The following LEF1 variants were observed in gnomAD, a reference collection of about 807,000 sequenced individuals.
The protein encoded by LEF1 is lymphoid enhancer binding factor 1, also known as lymphoid enhancer-binding factor 1.
A neutral mutation model predicts 51.2 loss-of-function variants in LEF1; 14 were observed. That is an observed-to-expected ratio of 0.27 (90% confidence interval 0.18 to 0.43). The LOEUF is 0.43. Ranked by LOEUF, LEF1 falls within the 20% of genes least tolerant of loss-of-function variation. The probability of loss-of-function intolerance (pLI) is 1.00; values close to 1 mark genes in which losing one functional copy is unlikely to be tolerated. For synonymous variants in LEF1, 185 were observed against 183.2 expected, an observed-to-expected ratio of 1.01 and a Z score of -0.08; for missense variants, 386 against 512.0, an observed-to-expected ratio of 0.75 and a Z score of 2.37.
chr4:108,064,204 G>T, intron 10 of LEF1, 132 bp downstream of exon 10: 1 of 569,290 alleles, frequency 1.8e-6, no homozygotes, highest in Non-Finnish European at 3.1e-6. Context: ...AAGAATTTCA[G>T]GAAGAAAAAG....
chr4:108,123,232 T>C (rs1478455528), intron 3 of LEF1, among the ~76,000 whole-genome samples: 2 of 152,162 alleles, frequency 1.3e-5, no homozygotes, highest in Non-Finnish European at 2.9e-5. Flanking sequence ...TCACCCTTGA[T>C]AATATGAACT....
intron 3 of LEF1, among the ~76,000 whole-genome samples, chr4:108,092,547 C>T (rs1220020128): frequency 6.6e-6 from 1 of 152,172 alleles, no homozygotes; most frequent in Non-Finnish European, 1.5e-5. Context: ...TGTGCACACA[C>T]AAAGTGAGAA....
At chr4:108,157,221 AACAC>A (rs1744790053) in intron 3 of LEF1, among the ~76,000 whole-genome samples, 1 of 51,502 alleles carries the variant, frequency 1.9e-5, no homozygotes. Flanking sequence ...CACACACACA[AACAC>A]ACATATAGCT....
intron 4 of LEF1, among the ~76,000 whole-genome samples, chr4:108,088,068 A>G (rs1437054195): frequency 6.6e-6 from 1 of 152,228 alleles, no homozygotes; most frequent in Non-Finnish European, 1.5e-5. Context: ...CTCAGACTCT[A>G]TTCAAGTCTA....
At chr4:108,140,889 G>C (rs2110371622) in intron 3 of LEF1, among the ~76,000 whole-genome samples, 1 of 152,228 alleles carries the variant, frequency 6.6e-6, no homozygotes, top group South Asian at 2.1e-4. Flanking sequence ...AATTAAATCT[G>C]AAAACAAGGG....
chr4:108,157,654 T>C (rs1033770637), intron 3 of LEF1, among the ~76,000 whole-genome samples: 1 of 152,216 alleles, frequency 6.6e-6, no homozygotes, highest in Non-Finnish European at 1.5e-5. Flanking sequence ...CTAGACACTC[T>C]GTGATGCAAC....
chr4:108,064,443 T>C, intron 9 of LEF1, 59 bp from the exon 10 acceptor site: 5 of 1,321,936 alleles, frequency 3.8e-6, no homozygotes, highest in South Asian at 1.2e-5. Context: ...CACAGATGAA[T>C]GTGATGTGGA....
chr4:108,062,033 GC>G (rs2126264291), intron 11 of LEF1, among the ~76,000 whole-genome samples: 1 of 152,324 alleles, frequency 6.6e-6, no homozygotes, highest in East Asian at 1.9e-4. Context: ...GTGAGTCTGA[GC>G]TCCAACTGTG....
At position 108,099,568 on chromosome 4, in the gene LEF1, GTGTATATATA is replaced by G. The variant is rs1179822039; in HGVS notation, c.415-10321_415-10312del. ...TGTGTGTGTGTGTATGTGTGTGTGT[GTGTATATATA>G]TATATATATATATATATATATATAT... On this transcript the variant is annotated intron_variant, in intron 3 of 11. Transcript: ENST00000265165. Among the ~76,000 whole-genome samples the G allele has an allele frequency of 2.3e-4, 11 of 48,156 alleles. 2 individuals are homozygous for G. The highest frequency in any genetic ancestry group is 7.0e-4 in the South Asian group (1 of 1,426). 31.6% of individuals were successfully genotyped at this position (48,156 alleles called of 152,430 possible).
intron 9 of LEF1, among the ~76,000 whole-genome samples, chr4:108,069,157 G>C (rs1447163269): frequency 1.3e-5 from 2 of 152,150 alleles, no homozygotes; most frequent in Non-Finnish European, 2.9e-5. Context: ...ACAGCCAGAA[G>C]ACTGGGACCA....
intron 8 of LEF1, among the ~76,000 whole-genome samples, chr4:108,078,019 T>C (rs1257537332): frequency 2.0e-5 from 3 of 150,970 alleles, no homozygotes; most frequent in Non-Finnish European, 2.9e-5. Context: ...CCAGTCCAGC[T>C]TGGGCAACAG....
chr4:108,102,020 A>G (rs1740857014), intron 3 of LEF1, among the ~76,000 whole-genome samples: 1 of 150,182 alleles, frequency 6.7e-6, no homozygotes, highest in Non-Finnish European at 1.5e-5. Context: ...AAGATAGCAC[A>G]CCATTGCACT....
At chr4:108,130,674 G>A (rs1228571720) in intron 3 of LEF1, among the ~76,000 whole-genome samples, 1 of 150,888 alleles carries the variant, frequency 6.6e-6, no homozygotes, top group Non-Finnish European at 1.5e-5. Context: ...AGGTTGCAGT[G>A]AGCGAAGATC....
intron 3 of LEF1, among the ~76,000 whole-genome samples, chr4:108,143,114 C>T (rs1743774507): frequency 6.6e-6 from 1 of 152,210 alleles, no homozygotes; most frequent in Non-Finnish European, 1.5e-5. Flanking sequence ...GATTTTGAAT[C>T]AACAGACCTG....
intron 11 of LEF1, among the ~76,000 whole-genome samples, chr4:108,061,255 C>G (rs1282089309): frequency 6.6e-6 from 1 of 152,050 alleles, no homozygotes; most frequent in African/African-American, 2.4e-5. Flanking sequence ...TTTTGTTTTT[C>G]TTGCGCAGGA....
intron 11 of LEF1, among the ~76,000 whole-genome samples, chr4:108,050,621 G>C (rs1736916702): frequency 6.6e-6 from 1 of 152,232 alleles, no homozygotes; most frequent in Admixed American, 6.5e-5. Context: ...GATTTTCAAA[G>C]GCTTGGTCCA....
intron 3 of LEF1, among the ~76,000 whole-genome samples, chr4:108,161,950 CA>C (rs1292417648): frequency 1.3e-5 from 2 of 152,054 alleles, no homozygotes; most frequent in African/African-American, 2.4e-5. Flanking sequence ...CCACCCCCTC[CA>C]AAAACAGCAA....
chr4:108,054,290 G>T (rs1737186245), intron 11 of LEF1, among the ~76,000 whole-genome samples: 1 of 152,252 alleles, frequency 6.6e-6, no homozygotes, highest in African/African-American at 2.4e-5. Context: ...GGAGACGTAT[G>T]TGCAGAGCCG....
chr4:108,075,965 T>C (rs376501934), intron 8 of LEF1, among the ~76,000 whole-genome samples: 2 of 152,178 alleles, frequency 1.3e-5, no homozygotes, highest in East Asian at 3.9e-4. Context: ...GCTTCTGTCC[T>C]GGAAGGAGTG....
Sources: gnomAD v4.1 joint callset for allele counts (sites outside exome capture counted in the v4.1 genomes callset) on GRCh38, gnomAD v4.1.1 for gene constraint, MANE v1.5 for transcripts, NCBI Gene and HGNC (gene_info 2026-07-23, HGNC 2026-07-21) for gene names.